The following CEPT1 variants were observed in gnomAD, a reference collection of about 807,000 sequenced individuals.
CEPT1 encodes the protein choline/ethanolaminephosphotransferase 1.
CEPT1 carries 7 observed loss-of-function variants against 42.6 expected under a neutral mutation model. The ratio of observed to expected loss-of-function variants is 0.16; its 90% CI spans 0.09 to 0.31. CEPT1 has a LOEUF of 0.31. Ranked by LOEUF, CEPT1 falls within the 10% of genes least tolerant of loss-of-function variation. CEPT1 has a pLI of 1.00. For synonymous variants in CEPT1, 171 were observed against 171.9 expected (o/e 0.99, Z 0.04); for missense variants, 306 against 502.1 (o/e 0.61, Z 3.73).
intron 5 of CEPT1, among the ~76,000 whole-genome samples, chr1:111,175,681 C>T (rs1050624794): frequency 6.6e-6 from 1 of 152,140 alleles, no homozygotes; most frequent in Non-Finnish European, 1.5e-5. Context: ...TTATTTTATG[C>T]ATTAAAGGAG....
intron 2 of CEPT1, among the ~76,000 whole-genome samples, chr1:111,153,144 G>T (rs182924267): frequency 6.6e-6 from 1 of 151,834 alleles, no homozygotes; most frequent in East Asian, 1.9e-4. Flanking sequence ...ACCCATCCCA[G>T]CCTCTTGTAA....
chr1:111,183,317 A>G, intron 7 of CEPT1, 145 bp from the exon 8 acceptor site: 1 of 877,952 alleles, frequency 1.1e-6, no homozygotes, highest in African/African-American at 1.7e-5. Context: ...GACGCATTTC[A>G]TATTGTTGGG....
chr1:111,165,098 A>G (rs1173376979), intron 4 of CEPT1, among the ~76,000 whole-genome samples: 14 of 117,958 alleles, frequency 1.2e-4, no homozygotes, highest in East Asian at 5.1e-4. Context: ...CGCCCAGGCT[A>G]GAGTGCAGTG....
At chr1:111,150,613 C>T (rs1019470058) in intron 2 of CEPT1, among the ~76,000 whole-genome samples, 7 of 152,070 alleles carry the variant, frequency 4.6e-5, no homozygotes, top group South Asian at 4.1e-4. Context: ...TATAGTATTA[C>T]GAACTTCCCA....
intron 4 of CEPT1, among the ~76,000 whole-genome samples, chr1:111,165,309 A>G (rs1290147633): frequency 4.6e-5 from 7 of 151,964 alleles, no homozygotes; most frequent in Non-Finnish European, 7.4e-5. Flanking sequence ...TGGCCTCCCA[A>G]AGTGCTGGGA....
At chr1:111,174,773 T>A (rs1051480780) in intron 4 of CEPT1, 106 bp from the exon 5 acceptor site, 4 of 605,498 alleles carry the variant, frequency 6.6e-6, no homozygotes, top group South Asian at 2.6e-5. Context: ...ATTTGAGATT[T>A]TTTTTTTCTA....
chr1:111,158,475 A>G (rs980036105), intron 2 of CEPT1, among the ~76,000 whole-genome samples: 7 of 152,234 alleles, frequency 4.6e-5, no homozygotes, highest in African/African-American at 9.6e-5. Flanking sequence ...TGAACACTCT[A>G]TGCACTGGAT....
chr1:111,146,627 A>G (rs1336570235), intron 1 of CEPT1, among the ~76,000 whole-genome samples: 3 of 152,066 alleles, frequency 2.0e-5, no homozygotes, highest in Non-Finnish European at 4.4e-5. Flanking sequence ...CTAATTTTTA[A>G]TTGTTCTATT....
At chr1:111,155,510 T>TA (rs991349681) in intron 2 of CEPT1, among the ~76,000 whole-genome samples, 2 of 151,830 alleles carry the variant, frequency 1.3e-5, no homozygotes, top group Non-Finnish European at 2.9e-5. Flanking sequence ...TATATGTATA[T>TA]ATACATATAT....
chr1:111,167,872 A>T lies in CEPT1; in HGVS notation c.629+6576A>T, dbSNP rs17027001. The stretch of plus-strand genomic sequence containing the variant: ...ATACATATTTCTCTAATGTACTGCT[A>T]AAAGTAATGTATCTTTTTCCTTTTT... On this transcript the variant is annotated intron_variant, in intron 4 of 8. Coordinates refer to ENST00000357172, the MANE Select transcript of CEPT1 (RefSeq NM_006090.5). 4,214 of 655,866 alleles carry T rather than the reference A, an allele frequency of 6.4e-3. 165 individuals are homozygous for T. In the African/African-American group the frequency reaches 0.076, roughly 12 times the overall value. 40.6% of individuals were successfully genotyped at this position (655,866 alleles called of 1,614,324 possible). A position where few individuals can be genotyped will look rare whatever the true frequency, so the allele number is the denominator to read the frequency against.
chr1:111,163,557 A>G (rs911411631), intron 4 of CEPT1, among the ~76,000 whole-genome samples: 12 of 152,080 alleles, frequency 7.9e-5, no homozygotes, highest in African/African-American at 2.4e-4. Flanking sequence ...GAGCTGAGAT[A>G]GCACCACTGT....
At chr1:111,166,976 T>C (rs1292895951) in intron 4 of CEPT1, 1 of 194,116 alleles carries the variant, frequency 5.2e-6, no homozygotes, top group African/African-American at 2.4e-5. Context: ...AATTGTATCA[T>C]TCCATCTTTA....
chr1:111,162,989 T>C (rs932401432), intron 4 of CEPT1, among the ~76,000 whole-genome samples: 4 of 151,984 alleles, frequency 2.6e-5, no homozygotes, highest in African/African-American at 9.7e-5. Context: ...TCAGAAGAAA[T>C]CTGCTAGAGA....
intron 2 of CEPT1, among the ~76,000 whole-genome samples, chr1:111,152,265 T>G (rs768598468): frequency 1.3e-5 from 2 of 152,072 alleles, no homozygotes; most frequent in Non-Finnish European, 2.9e-5. Context: ...GAAAAGAAAA[T>G]TAAAACGGCA....
chr1:111,142,023 G>A (rs938723502), intron 1 of CEPT1, among the ~76,000 whole-genome samples: 1 of 151,964 alleles, frequency 6.6e-6, no homozygotes, highest in Admixed American at 6.6e-5. Context: ...TATTGTGTAA[G>A]CTTACCTTAT....
At chr1:111,160,964 A>G in intron 3 of CEPT1, 191 bp from the exon 4 acceptor site, 1 of 618,732 alleles carries the variant, frequency 1.6e-6, no homozygotes, top group African/African-American at 1.9e-5. Context: ...AAAAAAAAAA[A>G]AAAAAAGAGA....
At position 111,147,833 on chromosome 1, in the gene CEPT1, C is replaced by T. The variant is rs41299567; in HGVS notation, c.119C>T (p.Thr40Ile). The T allele has an allele frequency of 2.4e-3, 3,801 of 1,614,090 alleles. 4 individuals are homozygous for T. Among genetic ancestry groups the T allele is most frequent in the Non-Finnish European group, 2.9e-3 (3,422 of 1,180,000 alleles). Reference sequence around the variant, plus strand: ...TTAAATAAATTGTTTCAGTTACCAACACCACCATTGTCAAGACACCAACTA... The same window carrying T: ...TTAAATAAATTGTTTCAGTTACCAATACCACCATTGTCAAGACACCAACTA... Reference protein sequence around the residue: ...CVLNKLFQLPTPPLSRHQLKR... With the variant: ...CVLNKLFQLPIPPLSRHQLKR... The change falls in exon 2 of 9, where the codon ACA (threonine) becomes ATA (isoleucine). Residue 40 changes from threonine (T) to isoleucine (I), a missense_variant. Physicochemically the swap from Thr to Ile is moderately conservative, Grantham distance 89. Around this residue, in one of 2 missense-constraint regions of CEPT1, gnomAD observed 53 missense variants for 54.8 expected, o/e 0.97. Coordinates refer to ENST00000357172, the MANE Select transcript of CEPT1 (RefSeq NM_006090.5).
chr1:111,158,273 A>C (rs1655677371), intron 2 of CEPT1, among the ~76,000 whole-genome samples: 1 of 152,208 alleles, frequency 6.6e-6, no homozygotes, highest in South Asian at 2.1e-4. Context: ...GAATCTCTTG[A>C]ACCCAGGAGG....
intron 1 of CEPT1, among the ~76,000 whole-genome samples, chr1:111,147,218 A>G (rs1655016308): frequency 6.6e-6 from 1 of 152,238 alleles, no homozygotes; most frequent in Non-Finnish European, 1.5e-5. Flanking sequence ...TTACCATTAA[A>G]TAAAAATCTA....
Sources: gnomAD v4.1 joint callset for allele counts (sites outside exome capture counted in the v4.1 genomes callset) on GRCh38, gnomAD v4.1.1 for gene constraint, gnomAD v4.1.1 regional missense constraint, MANE v1.5 for transcripts, NCBI Gene and HGNC (gene_info 2026-07-23, HGNC 2026-07-21) for gene names.